GPBP1L1: variants seen among roughly 807,000 people sequenced by gnomAD.
The protein encoded by GPBP1L1 is vasculin-like protein 1.
In GPBP1L1, 23 loss-of-function variants were observed where a neutral mutation model predicts 52.5. The ratio of observed to expected loss-of-function variants is 0.44; its 90% CI spans 0.32 to 0.62. The LOEUF (loss-of-function observed/expected upper bound fraction) is 0.62. Among genes scored for constraint, GPBP1L1 ranks in the 20% least tolerant of loss-of-function variants. The pLI is 0.06. For missense variants in GPBP1L1, 596 were observed against 579.3 expected, an observed-to-expected ratio of 1.03 and a Z score of -0.30; for synonymous variants, 243 against 203.1, an observed-to-expected ratio of 1.20 and a Z score of -1.67.
In GPBP1L1 at chr1:45,640,506, G is replaced by C. The variant is rs1644658558; in HGVS notation, c.551-103C>G. ...TTAGTCAACAAAACAGCTGACAGTT[G>C]AGACAGAGGGATTAAACATTCCCTG... On this transcript the variant is annotated intron_variant, in intron 7 of 12. Transcript: ENST00000355105. The C allele has an allele frequency of 4.6e-6, 4 of 872,288 alleles. No individual in the cohort carries two copies. The South Asian group carries it at 6.0e-5, about 13-fold the overall frequency. 54.0% of individuals were successfully genotyped at this position (872,288 alleles called of 1,614,324 possible). A position where few individuals can be genotyped will look rare whatever the true frequency, so the allele number is the denominator to read the frequency against.
chr1:45,649,855 A>G (rs1406930660), intron 6 of GPBP1L1, among the ~76,000 whole-genome samples: 1 of 151,840 alleles, frequency 6.6e-6, no homozygotes, highest in African/African-American at 2.4e-5. Context: ...CAACCATAAA[A>G]CCATTCTGAT....
chr1:45,644,320 A>T (rs1177074066), intron 6 of GPBP1L1, among the ~76,000 whole-genome samples: 1 of 152,234 alleles, frequency 6.6e-6, no homozygotes, highest in Non-Finnish European at 1.5e-5. Context: ...TCTCAGAGAC[A>T]ATGCTCCTAT....
chr1:45,651,008 G>C (rs1644812499), intron 6 of GPBP1L1: 1 of 353,102 alleles, frequency 2.8e-6, no homozygotes, highest in Non-Finnish European at 5.8e-6. Flanking sequence ...TTTATGTAAA[G>C]AAAGCTCAAC....
chr1:45,637,890 G>C (rs1296219693), intron 8 of GPBP1L1, among the ~76,000 whole-genome samples: 2 of 152,142 alleles, frequency 1.3e-5, no homozygotes, highest in Non-Finnish European at 2.9e-5. Flanking sequence ...CAAAAAAAAG[G>C]GGGGCATTGT....
At chr1:45,636,913 A>G (rs1644600890) in intron 8 of GPBP1L1, among the ~76,000 whole-genome samples, 1 of 152,242 alleles carries the variant, frequency 6.6e-6, no homozygotes, top group South Asian at 2.1e-4. Context: ...GACCTGAGTT[A>G]AAAGCCTGAC....
In GPBP1L1 at chr1:45,650,793, C is replaced by T. The variant is rs570453099; in HGVS notation, c.477+3750G>A. The stretch of plus-strand genomic sequence containing the variant: ...TCCCTTCTTTCCAATGTATTACTCT[C>T]CTTGAGCGATTTTATTTATCCACAA... On this transcript the variant is annotated intron_variant, in intron 6 of 12. Coordinates refer to ENST00000355105, the MANE Select transcript of GPBP1L1 (RefSeq NM_021639.5). Among the ~76,000 whole-genome samples, 425 of 152,286 alleles carry T rather than the reference C, an allele frequency of 2.8e-3. 2 individuals carry two copies. The highest frequency in any genetic ancestry group is 0.01 in the Middle Eastern group (3 of 294).
chr1:45,627,563 CA>C lies in GPBP1L1; in HGVS notation c.*692del, dbSNP rs1431946307. The C allele has an allele frequency of 2.0e-5, 3 of 152,218 alleles. No individual in the cohort carries two copies. Among genetic ancestry groups the C allele is most frequent in the African/African-American group, 7.3e-5 (3 of 41,314 alleles). 9.4% of individuals were successfully genotyped at this position (152,218 alleles called of 1,614,324 possible). ...TTTCCCCCTCGAGACTTGTGATAAC[CA>C]CATCTTTTAAATCTGTAAATAATGT... On this transcript the variant is annotated 3_prime_UTR_variant, in exon 13 of 13. Transcript: ENST00000355105.
At chr1:45,674,627 T>C (rs1375992822) in intron 2 of GPBP1L1, among the ~76,000 whole-genome samples, 1 of 152,210 alleles carries the variant, frequency 6.6e-6, no homozygotes, top group African/African-American at 2.4e-5. Context: ...CAATACGCAG[T>C]ACAATATTTT....
In GPBP1L1 at chr1:45,628,457, T is replaced by G; in HGVS notation, c.1273-49A>C. On this transcript the variant is annotated intron_variant, in intron 12 of 12. Transcript: ENST00000355105. ...GAAAAAAGAAAAAAATATCAATGACTGTACTGACCCATAAGCCCTGGGAAA... is the reference window on the plus strand; with the variant it reads ...GAAAAAAGAAAAAAATATCAATGACGGTACTGACCCATAAGCCCTGGGAAA... 1.3e-6 allele frequency: 2 copies of G among 1,571,570 alleles called. 1 individual carries two copies. Among genetic ancestry groups the G allele is most frequent in the South Asian group, 2.3e-5 (2 of 88,716 alleles).
At chr1:45,645,283 T>C (rs1335279991) in intron 6 of GPBP1L1, among the ~76,000 whole-genome samples, 4 of 152,176 alleles carry the variant, frequency 2.6e-5, no homozygotes, top group African/African-American at 9.6e-5. Context: ...CGCCTAGAAG[T>C]ATGTATTTTT....
chr1:45,631,895 C>T (rs571416321), intron 10 of GPBP1L1, among the ~76,000 whole-genome samples: 2 of 152,134 alleles, frequency 1.3e-5, no homozygotes, highest in Admixed American at 1.3e-4. Flanking sequence ...CTGCATTCAG[C>T]CTGGGCGACA....
In GPBP1L1 at chr1:45,651,836, C is replaced by T. The variant is rs1057307129; in HGVS notation, c.477+2707G>A. The stretch of plus-strand genomic sequence containing the variant: ...TCTTTCCTTTCGGCATCTTGGGTGG[C>T]GGGAGGAGAAGAAATCTTATTTTTG... On this transcript the variant is annotated intron_variant, in intron 6 of 12. Coordinates refer to ENST00000355105, the MANE Select transcript of GPBP1L1 (RefSeq NM_021639.5). The T allele has an allele frequency of 5.3e-5, 13 of 246,936 alleles. No homozygotes were observed. In the Admixed American group the frequency reaches 5.5e-4, roughly 10 times the overall value. The allele number at this position is 246,936 out of a possible 1,614,324, so 15.3% of individuals were successfully genotyped here.
At chr1:45,664,851 G>C (rs1644990816) in intron 2 of GPBP1L1, among the ~76,000 whole-genome samples, 1 of 151,822 alleles carries the variant, frequency 6.6e-6, no homozygotes, top group South Asian at 2.1e-4. Flanking sequence ...GTTAATTTTT[G>C]TATTTTTAGC....
Position 45,660,390 on chromosome 1 carries a change from C to CAAAAGGG in GPBP1L1, c.-269_-263dup. 5 of 981,586 alleles carry CAAAAGGG rather than the reference C, an allele frequency of 5.1e-6. No individual in the cohort carries two copies. The highest frequency in any genetic ancestry group is 6.0e-6 in the Non-Finnish European group (5 of 828,462). The allele number at this position is 981,586 out of a possible 1,614,324, so 60.8% of individuals were successfully genotyped here. ...AACTATTTGGTTCCTGACACGTTTC[C>CAAAAGGG]AAAAGGGGAAAGGGGAAAAGGGGAA... is the stretch of plus-strand genomic sequence containing the variant. On this transcript the variant is annotated 5_prime_UTR_variant, in exon 3 of 13. An upstream open reading frame in the 5' UTR loses its in-frame stop. Transcript: ENST00000355105.
At chr1:45,679,609 AT>A (rs896224865) in intron 2 of GPBP1L1, among the ~76,000 whole-genome samples, 1 of 152,198 alleles carries the variant, frequency 6.6e-6, no homozygotes, top group African/African-American at 2.4e-5. Flanking sequence ...GGGGGCTAAA[AT>A]GGTAAACAGA....
chr1:45,661,252 A>C (rs1040798425), intron 2 of GPBP1L1, 27 bp from the exon 3 acceptor site: 34 of 152,244 alleles, frequency 2.2e-4, no homozygotes, highest in African/African-American at 7.0e-4. Flanking sequence ...AAAACATAAA[A>C]TCACAGAAGG....
chr1:45,633,678 G>A (rs375419322), intron 9 of GPBP1L1, 31 bp from the exon 10 acceptor site: 2 of 1,607,376 alleles, frequency 1.2e-6, no homozygotes, highest in African/African-American at 2.7e-5. Context: ...GGTTGCTCCT[G>A]ACAGCAAAGA....
chr1:45,663,318 C>A (rs1644969603), intron 2 of GPBP1L1, among the ~76,000 whole-genome samples: 1 of 151,978 alleles, frequency 6.6e-6, no homozygotes, highest in African/African-American at 2.4e-5. Context: ...AAGGAAAATG[C>A]CTCAATTTTC....
At position 45,627,573 on chromosome 1, in the gene GPBP1L1, A is replaced by G. The variant is rs953258354; in HGVS notation, c.*683T>C. 1.3e-5 allele frequency: 2 copies of G among 152,638 alleles called. No homozygotes were observed. Among genetic ancestry groups the G allele is most frequent in the African/African-American group, 2.4e-5 (1 of 41,464 alleles). The allele number at this position is 152,638 out of a possible 1,614,324, so 9.5% of individuals were successfully genotyped here. On this transcript the variant is annotated 3_prime_UTR_variant, in exon 13 of 13. Coordinates refer to ENST00000355105, the MANE Select transcript of GPBP1L1 (RefSeq NM_021639.5). ...GAGACTTGTGATAACCACATCTTTT[A>G]AATCTGTAAATAATGTTATCAAAAT...
Sources: gnomAD v4.1 joint callset for allele counts (sites outside exome capture counted in the v4.1 genomes callset) on GRCh38, gnomAD v4.1.1 for gene constraint, MANE v1.5 for transcripts, NCBI Gene and HGNC (gene_info 2026-07-23, HGNC 2026-07-21) for gene names.